SYT10: variants seen among roughly 807,000 people sequenced by gnomAD.
SYT10 encodes synaptotagmin 10, also known as synaptotagmin-10.
A neutral mutation model predicts 51.1 loss-of-function variants in SYT10; 31 were observed. That is an observed-to-expected ratio of 0.61 (90% confidence interval 0.46 to 0.82). The LOEUF (loss-of-function observed/expected upper bound fraction) is 0.82, where lower values mean the gene tolerates loss of function less well. SYT10 is among the 40% of genes least tolerant of loss of function. The pLI is 0.00. For missense variants in SYT10, 603 were observed against 634.0 expected (o/e 0.95, Z 0.53); for synonymous variants, 233 against 225.9 (o/e 1.03, Z -0.28).
chr12:33,410,815 TA>T, intron 2 of SYT10, among the ~76,000 whole-genome samples: 1 of 151,556 alleles, frequency 6.6e-6, no homozygotes, highest in East Asian at 1.9e-4. Flanking sequence ...TGGAAGAAAA[TA>T]AAAAATAATA....
At chr12:33,408,534 G>A (rs536303012) in intron 2 of SYT10, among the ~76,000 whole-genome samples, 34 of 152,220 alleles carry the variant, frequency 2.2e-4, no homozygotes, top group African/African-American at 7.9e-4. Context: ...CACGAACTGT[G>A]CCAAACTACC....
At chr12:33,397,127 T>C (rs1866263253) in intron 3 of SYT10, among the ~76,000 whole-genome samples, 1 of 152,178 alleles carries the variant, frequency 6.6e-6, no homozygotes, top group African/African-American at 2.4e-5. Context: ...CACAGCATGG[T>C]CCAGAAAGGT....
intron 1 of SYT10, among the ~76,000 whole-genome samples, chr12:33,429,831 T>A (rs1866582479): frequency 6.6e-6 from 1 of 152,054 alleles, no homozygotes; most frequent in Admixed American, 6.6e-5. Context: ...AGGGTTTGAG[T>A]ATGATCATAA....
At chr12:33,417,335 G>A (rs1334890602) in intron 2 of SYT10, among the ~76,000 whole-genome samples, 1 of 152,054 alleles carries the variant, frequency 6.6e-6, no homozygotes, top group East Asian at 1.9e-4. Context: ...TATAAGAAGA[G>A]GAAGAGAGAG....
At chr12:33,427,220 A>C (rs61245628) in intron 1 of SYT10, among the ~76,000 whole-genome samples, 15,008 of 152,016 alleles carry the variant, frequency 0.099, 2,110 homozygotes, top group East Asian at 0.64. Flanking sequence ...AGTCTTCATG[A>C]GTAGGATTAG....
chr12:33,430,096 T>C (rs185335213), intron 1 of SYT10, among the ~76,000 whole-genome samples: 1 of 152,308 alleles, frequency 6.6e-6, no homozygotes, highest in African/African-American at 2.4e-5. Flanking sequence ...AAACAGAAAT[T>C]AGATTAGGCT....
Position 33,426,460 on chromosome 12 carries a change from A to G in SYT10, c.187T>C (p.Phe63Leu). 1 of 1,604,732 alleles carries G rather than the reference A, an allele frequency of 6.2e-7. No homozygotes were observed. Among genetic ancestry groups the G allele is most frequent in the Non-Finnish European group, 8.5e-7 (1 of 1,177,090 alleles). ...ACAACCAACAAGGCCAGTCCACAAAAGCTGACAACGACAGCTAACAGGCTG... is the reference window on the plus strand; with the variant it reads ...ACAACCAACAAGGCCAGTCCACAAAGGCTGACAACGACAGCTAACAGGCTG... ...SVSLLAVVVS[F>L]CGLALLVVSL... Residue 63 changes from phenylalanine to leucine, a missense_variant, in exon 2 of 7, where the codon TTT (phenylalanine) becomes CTT (leucine). Phe to Leu is a conservative substitution (Grantham distance 22). Coordinates refer to ENST00000228567, the MANE Select transcript of SYT10 (RefSeq NM_198992.4).
intron 3 of SYT10, among the ~76,000 whole-genome samples, chr12:33,390,991 T>G (rs979740696): frequency 1.1e-4 from 16 of 152,076 alleles, no homozygotes; most frequent in Admixed American, 9.8e-4. Flanking sequence ...CAGGCTGGAG[T>G]GCGGGCAAGA....
chr12:33,401,708 G>A (rs1430569403), intron 3 of SYT10, among the ~76,000 whole-genome samples: 2 of 152,032 alleles, frequency 1.3e-5, no homozygotes, highest in African/African-American at 4.8e-5. Flanking sequence ...GTACACCTAA[G>A]CATATCCTTG....
At chr12:33,396,904 C>T (rs1866261225) in intron 3 of SYT10, among the ~76,000 whole-genome samples, 1 of 152,166 alleles carries the variant, frequency 6.6e-6, no homozygotes. Flanking sequence ...TCCCAAAGTG[C>T]TGGGATTACA....
rs563465188 is a variant in SYT10, at chr12:33,374,495, G to A, written c.*2335C>T. The A allele has an allele frequency of 1.4e-5, 2 of 148,030 alleles. No individual in the cohort carries two copies. Among genetic ancestry groups the A allele is most frequent in the Non-Finnish European group, 1.5e-5 (1 of 66,492 alleles). 9.2% of individuals were successfully genotyped at this position (148,030 alleles called of 1,614,324 possible). Reference sequence around the variant, plus strand: ...AATGTGTGGGCTGTGTAGAGTGAGGGTGTGTTGTATTAAAATTGTTAGGAT... The same window carrying A: ...AATGTGTGGGCTGTGTAGAGTGAGGATGTGTTGTATTAAAATTGTTAGGAT... On this transcript the variant is annotated 3_prime_UTR_variant, in exon 7 of 7. Transcript: ENST00000228567.
chr12:33,399,392 A>G (rs754576140), intron 3 of SYT10, among the ~76,000 whole-genome samples: 2 of 152,204 alleles, frequency 1.3e-5, no homozygotes. Context: ...TTTGTTTTGT[A>G]AAACAGAAGG....
chr12:33,418,268 C>A (rs932672694), intron 2 of SYT10, among the ~76,000 whole-genome samples: 1 of 152,152 alleles, frequency 6.6e-6, no homozygotes, highest in Non-Finnish European at 1.5e-5. Context: ...AGGTTCCGCC[C>A]TCCCAGCTTC....
rs992407270 is a variant in SYT10 at position 33,385,024 on chromosome 12, T to C, written c.1198+147A>G. On this transcript the variant is annotated intron_variant, in intron 4 of 6. Coordinates refer to ENST00000228567, the MANE Select transcript of SYT10 (RefSeq NM_198992.4). ...TGATAACATATATAAAAGAGATGAATTGGAACATTTAAATTTGTAATCTTT... is the reference window on the plus strand; with the variant it reads ...TGATAACATATATAAAAGAGATGAACTGGAACATTTAAATTTGTAATCTTT... 8.4e-5 allele frequency: 85 copies of C among 1,007,266 alleles called. No individual in the cohort carries two copies. In the African/African-American group the frequency reaches 1.2e-3, roughly 14 times the overall value. 62.4% of individuals were successfully genotyped at this position (1,007,266 alleles called of 1,614,324 possible). A position where few individuals can be genotyped will look rare whatever the true frequency, so the allele number is the denominator to read the frequency against.
intron 2 of SYT10, among the ~76,000 whole-genome samples, chr12:33,417,671 G>A (rs10844590): frequency 0.13 from 20,243 of 152,100 alleles, 1,553 homozygotes; most frequent in African/African-American, 0.19. Flanking sequence ...ATCCATGAGA[G>A]TTGTTTATAT....
At chr12:33,389,173 G>T (rs1371384546) in intron 3 of SYT10, among the ~76,000 whole-genome samples, 1 of 152,136 alleles carries the variant, frequency 6.6e-6, no homozygotes, top group East Asian at 1.9e-4. Flanking sequence ...CATGTTAGAG[G>T]AGAGTTAGGC....
intron 1 of SYT10, among the ~76,000 whole-genome samples, chr12:33,426,905 G>A (rs1324275852): frequency 6.6e-6 from 1 of 152,086 alleles, no homozygotes; most frequent in Admixed American, 6.5e-5. Context: ...TCATTCTCTA[G>A]GCAGAGAATC....
intron 5 of SYT10, among the ~76,000 whole-genome samples, chr12:33,381,926 T>C (rs1312975427): frequency 1.3e-5 from 2 of 152,198 alleles, no homozygotes; most frequent in East Asian, 3.8e-4. Context: ...GTTTTACAAA[T>C]GGGAAAAGTG....
chr12:33,415,641 C>T (rs1866446608), intron 2 of SYT10, among the ~76,000 whole-genome samples: 1 of 152,158 alleles, frequency 6.6e-6, no homozygotes, highest in Non-Finnish European at 1.5e-5. Context: ...TTAAAATCTG[C>T]ATCAGAAACT....
Sources: gnomAD v4.1 joint callset for allele counts (sites outside exome capture counted in the v4.1 genomes callset) on GRCh38, gnomAD v4.1.1 for gene constraint, MANE v1.5 for transcripts, NCBI Gene and HGNC (gene_info 2026-07-23, HGNC 2026-07-21) for gene names.